The following ME3 variants were observed in gnomAD, a reference collection of about 807,000 sequenced individuals.
ME3 encodes malic enzyme 3, also known as NADP-dependent malic enzyme, mitochondrial.
A neutral mutation model predicts 68.9 loss-of-function variants in ME3; 48 were observed. That is an observed-to-expected ratio of 0.70 (90% CI 0.55 to 0.89). ME3 has a LOEUF of 0.89. Among genes scored for constraint, ME3 ranks in the 40% least tolerant of loss-of-function variants. The pLI is 0.00. For missense variants in ME3, 675 were observed against 797.4 expected, an observed-to-expected ratio of 0.85 and a Z score of 1.85; for synonymous variants, 320 against 318.8, an observed-to-expected ratio of 1.00 and a Z score of -0.04.
chr11:86,457,437 G>A, intron 8 of ME3: 1 of 928,262 alleles, frequency 1.1e-6, no homozygotes, highest in Non-Finnish European at 1.3e-6. Context: ...CTTCTTTCTT[G>A]ACCTCTCAGC....
intron 2 of ME3, among the ~76,000 whole-genome samples, chr11:86,613,150 T>C (rs1474331307): frequency 6.6e-6 from 1 of 152,202 alleles, no homozygotes; most frequent in Non-Finnish European, 1.5e-5. Context: ...CCCAGCACCG[T>C]TTACTAAATA....
chr11:86,656,408 G>A (rs7949920), intron 2 of ME3, among the ~76,000 whole-genome samples: 138,435 of 151,672 alleles, frequency 0.91, 63,245 homozygotes, highest in Middle Eastern at 0.97. Context: ...ACCATGGAAT[G>A]CTATGCAGCC....
intron 4 of ME3, among the ~76,000 whole-genome samples, chr11:86,542,742 C>T (rs1001989913): frequency 8.5e-5 from 13 of 152,246 alleles, no homozygotes; most frequent in African/African-American, 2.9e-4. Flanking sequence ...AGGATGTTAT[C>T]CAGGAGAATT....
intron 2 of ME3, among the ~76,000 whole-genome samples, chr11:86,669,375 C>G (rs143524874): frequency 6.5e-4 from 99 of 152,280 alleles, no homozygotes; most frequent in African/African-American, 2.2e-3. Context: ...CTGGTTCTTA[C>G]ACGGCTGTGA....
At chr11:86,504,380 C>CTTTTT (rs35899335) in intron 5 of ME3, among the ~76,000 whole-genome samples, 9 of 77,406 alleles carry the variant, frequency 1.2e-4, no homozygotes, top group Non-Finnish European at 2.0e-4. Context: ...CCTATACATT[C>CTTTTT]TTTTTTTTTT....
At chr11:86,590,422 A>C (rs935841993) in intron 2 of ME3, among the ~76,000 whole-genome samples, 3 of 152,218 alleles carry the variant, frequency 2.0e-5, no homozygotes, top group African/African-American at 7.2e-5. Context: ...ACTGCAGAGA[A>C]AGGAGAGAAT....
At chr11:86,500,308 C>A (rs914085939) in intron 5 of ME3, among the ~76,000 whole-genome samples, 1 of 152,252 alleles carries the variant, frequency 6.6e-6, no homozygotes, top group African/African-American at 2.4e-5. Flanking sequence ...ATCCCCACAA[C>A]CCTAGGATGG....
chr11:86,622,630 A>G (rs776071176), intron 2 of ME3: 3 of 151,948 alleles, frequency 2.0e-5, no homozygotes, highest in Non-Finnish European at 2.9e-5. Context: ...CCCACTTCAC[A>G]CTGTTCTTTG....
At chr11:86,570,137 G>A (rs1020409147) in intron 2 of ME3, among the ~76,000 whole-genome samples, 4 of 152,172 alleles carry the variant, frequency 2.6e-5, no homozygotes, top group Admixed American at 2.6e-4. Context: ...ATCATTACTG[G>A]AAGGAAGGAT....
At chr11:86,483,837 C>A (rs1233190991) in intron 7 of ME3, among the ~76,000 whole-genome samples, 2 of 152,200 alleles carry the variant, frequency 1.3e-5, no homozygotes, top group East Asian at 1.9e-4. Flanking sequence ...AAACTCAGAA[C>A]ACAGTCAACT....
chr11:86,483,157 G>C (rs1163450355), intron 7 of ME3, among the ~76,000 whole-genome samples: 1 of 152,200 alleles, frequency 6.6e-6, no homozygotes, highest in African/African-American at 2.4e-5. Context: ...GAGACATCTA[G>C]TCATTTTGAC....
the ME3 span, chr11:86,435,663 T>C: frequency 6.6e-6 from 1 of 152,242 alleles, no homozygotes; most frequent in Non-Finnish European, 1.5e-5. Context: ...GAGATTCGCA[T>C]CCAGAGGATT....
At chr11:86,438,805 T>G (rs1715894131), downstream of ME3, among the ~76,000 whole-genome samples, 1 of 152,140 alleles carries the variant, frequency 6.6e-6, no homozygotes. Context: ...GAATTTGCAT[T>G]AGTCAGGGTA....
At chr11:86,498,648 T>C (rs1374951425) in intron 5 of ME3, among the ~76,000 whole-genome samples, 1 of 152,214 alleles carries the variant, frequency 6.6e-6, no homozygotes, top group Non-Finnish European at 1.5e-5. Flanking sequence ...CACTATTGCA[T>C]ATGAAATCAG....
At chr11:86,531,377 A>G (rs1307371047) in intron 4 of ME3, among the ~76,000 whole-genome samples, 1 of 152,078 alleles carries the variant, frequency 6.6e-6, no homozygotes, top group Non-Finnish European at 1.5e-5. Flanking sequence ...GTGGAGAAAT[A>G]GGAACACTTT....
intron 4 of ME3, among the ~76,000 whole-genome samples, chr11:86,547,212 C>G (rs1361135519): frequency 7.2e-6 from 1 of 139,120 alleles, no homozygotes; most frequent in South Asian, 2.4e-4. Flanking sequence ...CACACTCCAG[C>G]CTGGGCGACA....
At chr11:86,487,579 C>A (rs1264898897) in intron 6 of ME3, 139 bp from the exon 7 acceptor site, 3 of 656,392 alleles carry the variant, frequency 4.6e-6, no homozygotes, top group South Asian at 1.9e-5. Flanking sequence ...GGATCCCCCC[C>A]GCCCAGGTGT....
chr11:86,500,699 C>T (rs184223507), intron 5 of ME3, among the ~76,000 whole-genome samples: 1 of 152,302 alleles, frequency 6.6e-6, no homozygotes, highest in African/African-American at 2.4e-5. Context: ...ACACAATTGC[C>T]TTCTCTGGCT....
intron 4 of ME3, among the ~76,000 whole-genome samples, chr11:86,550,750 C>T (rs531964242): frequency 2.0e-5 from 3 of 152,134 alleles, no homozygotes; most frequent in South Asian, 2.1e-4. Context: ...TCCCAACCAA[C>T]GGACACCTGG....
Sources: allele counts gnomAD v4.1 joint callset (sites outside exome capture counted in the v4.1 genomes callset), GRCh38; gene constraint gnomAD v4.1.1; transcripts MANE v1.5; gene names NCBI Gene and HGNC (gene_info 2026-07-23, HGNC 2026-07-21).